CARD6: variants seen among roughly 807,000 people sequenced by gnomAD.
The protein encoded by CARD6 is caspase recruitment domain-containing protein 6.
A neutral mutation model predicts 23.6 loss-of-function variants in CARD6; 27 were observed. The ratio of observed to expected loss-of-function variants is 1.14; its 90% CI spans 0.84 to 1.58. The LOEUF is 1.58. CARD6 is among the 40% of genes most tolerant of loss of function. The pLI, the probability that CARD6 is intolerant of heterozygous loss-of-function variation, is 0.00. For missense variants in CARD6, 1,214 were observed against 1,209.9 expected, an observed-to-expected ratio of 1.00 and a Z score of -0.05; for synonymous variants, 397 against 431.8, an observed-to-expected ratio of 0.92 and a Z score of 1.00.
chr5:40,853,935 C>T lies in CARD6; in HGVS notation c.2603C>T (p.Pro868Leu), dbSNP rs1561217355. 6.2e-7 allele frequency: 1 copy of T among 1,614,166 alleles called. No individual in the cohort carries two copies. The highest frequency in any genetic ancestry group is 8.5e-7 in the Non-Finnish European group (1 of 1,180,036). Residue 868 changes from proline to leucine, a missense_variant, in exon 3 of 3, where the codon CCT (proline) becomes CTT (leucine). Coordinates refer to ENST00000254691, the MANE Select transcript of CARD6 (RefSeq NM_032587.4). ...GCAAGAGCAGTAGGGAAGCCATGGC[C>T]TCAGCAAGCTTGCACCAGGGTAACA... ...QPARAVGKPW[P>L]QQACTRVTEL...
chr5:40,853,067 T>C lies in CARD6; in HGVS notation c.1735T>C (p.Cys579Arg), dbSNP rs1372295239. The C allele has an allele frequency of 6.2e-7, 1 of 1,614,158 alleles. No homozygotes were observed. The change falls in exon 3 of 3, where the codon TGC (cysteine) becomes CGC (arginine). Residue 579 changes from cysteine (C) to arginine (R), a missense_variant. Transcript: ENST00000254691. Reference sequence around the variant, plus strand: ...TTTAGGAGAGGCTGCCATTGAAAGATGCTACTTTGTTCTCAGTTCCCAAGC... The same window carrying C: ...TTTAGGAGAGGCTGCCATTGAAAGACGCTACTTTGTTCTCAGTTCCCAAGC... ...MFLGEAAIERCYFVLSSQARE... is the reference protein window; with the variant it reads ...MFLGEAAIERRYFVLSSQARE...
At chr5:40,851,441 A>G (rs1329920710) in intron 2 of CARD6, among the ~76,000 whole-genome samples, 1 of 152,188 alleles carries the variant, frequency 6.6e-6, no homozygotes, top group East Asian at 1.9e-4. Context: ...TACCATATTG[A>G]TATCTCCCCT....
At chr5:40,842,416 T>C (rs1025039591) in intron 1 of CARD6, among the ~76,000 whole-genome samples, 4 of 152,230 alleles carry the variant, frequency 2.6e-5, no homozygotes, top group African/African-American at 9.6e-5. Context: ...TAGAAATTTT[T>C]CTTTTATTAT....
At chr5:40,850,527 C>T (rs1289301776) in intron 2 of CARD6, among the ~76,000 whole-genome samples, 1 of 137,500 alleles carries the variant, frequency 7.3e-6, no homozygotes, top group African/African-American at 2.7e-5. Flanking sequence ...CCAGCCTGGG[C>T]AACACAGTGA....
chr5:40,841,690 G>A (rs1745865074), intron 1 of CARD6, 25 bp downstream of exon 1: 1 of 1,570,180 alleles, frequency 6.4e-7, no homozygotes, highest in Non-Finnish European at 8.7e-7. Flanking sequence ...TATACTTTTT[G>A]GGGTGAGAGG....
chr5:40,843,578 A>C lies in CARD6; in HGVS notation c.710A>C (p.Glu237Ala), dbSNP rs779908095. The C allele has an allele frequency of 4.3e-6, 7 of 1,611,092 alleles. No individual in the cohort carries two copies. Among genetic ancestry groups the C allele is most frequent in the Middle Eastern group, 1.6e-4 (1 of 6,062 alleles). The part of the protein sequence containing the change: ...TVEEEVYDDP[E>A]HVGYDGEEDF... ...GAAGAGGAGGTTTATGATGACCCAG[A>C]GCACGTTGGATATGATGGTGAAGAG... Residue 237 changes from glutamate (E) to alanine (A), a missense_variant, in exon 2 of 3, where the codon GAG becomes GCG. Glu to Ala is a moderately radical substitution (Grantham distance 107, BLOSUM62 -1). Transcript: ENST00000254691.
intron 2 of CARD6, among the ~76,000 whole-genome samples, chr5:40,847,834 T>C (rs1745990638): frequency 6.6e-6 from 1 of 152,026 alleles, no homozygotes; most frequent in African/African-American, 2.4e-5. Context: ...TTGCAGAGTT[T>C]CCTGAATCTA....
chr5:40,851,724 A>G (rs1261713278), intron 2 of CARD6, among the ~76,000 whole-genome samples: 1 of 150,540 alleles, frequency 6.6e-6, no homozygotes, highest in African/African-American at 2.4e-5. Flanking sequence ...GCTGAGACAC[A>G]AGAATAGCTT....
chr5:40,852,463 C>T lies in CARD6; in HGVS notation c.1131C>T (p.Asp377=), dbSNP rs113915437. Residue 377 remains aspartate (D), a synonymous_variant, in exon 3 of 3, where the codon GAC becomes GAT. Coordinates refer to ENST00000254691, the MANE Select transcript of CARD6 (RefSeq NM_032587.4). ...IRDIQTINPL[D]VLCATMLCSD... ...ACATACAAACCATTAATCCCCTTGA[C>T]GTGCTTTGTGCCACCATGCTGTGTT... The T allele has an allele frequency of 1.5e-5, 25 of 1,614,130 alleles. No homozygotes were observed. Among genetic ancestry groups the T allele is most frequent in the Middle Eastern group, 1.6e-4 (1 of 6,062 alleles).
Position 40,854,246 on chromosome 5 carries a change from A to G in CARD6, c.2914A>G (p.Thr972Ala), listed in dbSNP as rs61748218. 2.6e-4 allele frequency: 417 copies of G among 1,614,154 alleles called. 1 individual carries two copies. The African/African-American group carries it at 5.3e-3, about 20-fold the overall frequency. ...GCCCTCTCAACCTAAATCCTCTCAG[A>G]CAAAATCCTGTCAGTCCCAGCCCTC... Reference protein sequence around the residue: ...SVPSQPKSSQTKSCQSQPSQT... With the variant: ...SVPSQPKSSQAKSCQSQPSQT... The change falls in exon 3 of 3, where the codon ACA (threonine) becomes GCA (alanine). Residue 972 changes from threonine (T) to alanine (A), a missense_variant. Transcript: ENST00000254691.
chr5:40,851,289 C>A (rs1440816551), intron 2 of CARD6, among the ~76,000 whole-genome samples: 1 of 151,642 alleles, frequency 6.6e-6, no homozygotes, highest in Non-Finnish European at 1.5e-5. Flanking sequence ...TGAGATCTTG[C>A]CACTGCACCC....
At chr5:40,848,398 A>G (rs1391476717) in intron 2 of CARD6, among the ~76,000 whole-genome samples, 2 of 151,920 alleles carry the variant, frequency 1.3e-5, no homozygotes, top group Admixed American at 1.3e-4. Context: ...TATTTTTTGT[A>G]GAGACAGGGT....
intron 2 of CARD6, among the ~76,000 whole-genome samples, chr5:40,845,590 A>G (rs1745953600): frequency 6.6e-6 from 1 of 152,080 alleles, no homozygotes; most frequent in African/African-American, 2.4e-5. Flanking sequence ...GGGTTGAATT[A>G]ATTAATTCAT....
rs76751505 is a variant in CARD6, at chr5:40,852,875, G to C, written c.1543G>C (p.Asp515His). The change falls in exon 3 of 3, where the codon GAT (aspartate) becomes CAT (histidine). Residue 515 changes from aspartate to histidine, a missense_variant. Transcript: ENST00000254691. ...GATAACATGGTGTTTTCCTGATAGC[G>C]ATGATAGAAAGGAAAACCCCTTTTT... ...VEITWCFPDS[D>H]DRKENPFFQK... 9 of 1,613,962 alleles carry C rather than the reference G, an allele frequency of 5.6e-6. No individual in the cohort carries two copies. In the Admixed American group the frequency reaches 1.2e-4, roughly 21 times the overall value.
chr5:40,841,624 G>C lies in CARD6; in HGVS notation c.242G>C (p.Ser81Thr). The C allele has an allele frequency of 1.9e-6, 3 of 1,613,972 alleles. No individual in the cohort carries two copies. The highest frequency in any genetic ancestry group is 2.5e-6 in the Non-Finnish European group (3 of 1,179,958). ...TCQHFLKCLF[S>T]TFPQSAAICG... is the part of the protein sequence containing the mutation. ...CAGCATTTTCTCAAGTGTTTATTTA[G>C]TACTTTTCCACAGTCAGCTGCCATT... Residue 81 changes from serine to threonine, a missense_variant, in exon 1 of 3, where the codon AGT (serine) becomes ACT (threonine). Transcript: ENST00000254691.
In CARD6 at chr5:40,852,160, C is replaced by A. The variant is rs765013514; in HGVS notation, c.842-14C>A. ...CTCTGAACATGGCATTCACTATTAT[C>A]TTCTCTCCTACAGAAAGAAAAAAGG... On this transcript the variant is annotated splice_polypyrimidine_tract_variant and intron_variant, in intron 2 of 2. Transcript: ENST00000254691. The A allele has an allele frequency of 6.6e-6, 10 of 1,522,164 alleles. No homozygotes were observed. The South Asian group carries it at 1.2e-4, about 18-fold the overall frequency. The allele number at this position is 1,522,164 out of a possible 1,614,324, so 94.3% of individuals were successfully genotyped here.
intron 1 of CARD6, 67 bp from the exon 2 acceptor site, chr5:40,843,085 C>T (rs912377234): frequency 2.0e-5 from 20 of 1,010,506 alleles, no homozygotes; most frequent in Non-Finnish European, 2.8e-5. Context: ...GCTTTGAGGC[C>T]TCAGGAACTC....
In CARD6 at chr5:40,853,636, T is replaced by C; in HGVS notation, c.2304T>C (p.Pro768=). The part of the protein sequence containing the change: ...GSEQRPKWFH[P]LPFQNAGAQG... ...AGCAGAGGCCTAAGTGGTTCCATCC[T>C]TTGCCTTTTCAGAATGCAGGGGCCC... Residue 768 remains proline, a synonymous_variant, in exon 3 of 3, where the codon CCT becomes CCC. Transcript: ENST00000254691. The C allele has an allele frequency of 6.2e-7, 1 of 1,614,258 alleles. No homozygotes were observed. The highest frequency in any genetic ancestry group is 8.5e-7 in the Non-Finnish European group (1 of 1,180,044).
chr5:40,846,237 T>G (rs1430437590), intron 2 of CARD6, among the ~76,000 whole-genome samples: 1 of 152,048 alleles, frequency 6.6e-6, no homozygotes, highest in Admixed American at 6.6e-5. Context: ...GGTCTCGAAC[T>G]CTTGACCTCA....
Sources: gnomAD v4.1 joint callset for allele counts (sites outside exome capture counted in the v4.1 genomes callset) on GRCh38, gnomAD v4.1.1 for gene constraint, MANE v1.5 for transcripts, NCBI Gene and HGNC (gene_info 2026-07-23, HGNC 2026-07-21) for gene names.